The following PLEKHA6 variants were observed in gnomAD, a reference collection of about 807,000 sequenced individuals.
PLEKHA6 encodes pleckstrin homology domain containing A6.
In PLEKHA6, 60 loss-of-function variants were observed where a neutral mutation model predicts 116.7. That is an observed-to-expected ratio of 0.51 (90% CI 0.42 to 0.64). PLEKHA6 has a LOEUF of 0.64. PLEKHA6 is among the 30% of genes least tolerant of loss of function. The pLI, the probability that PLEKHA6 is intolerant of heterozygous loss-of-function variation, is 0.00. For synonymous variants in PLEKHA6, 489 were observed against 556.1 expected, an observed-to-expected ratio of 0.88 and a Z score of 1.70; for missense variants, 1,338 against 1,422.7, an observed-to-expected ratio of 0.94 and a Z score of 0.96.
At chr1:204,283,594 A>G (rs1425135505) in intron 1 of PLEKHA6, among the ~76,000 whole-genome samples, 1 of 152,152 alleles carries the variant, frequency 6.6e-6, no homozygotes, top group African/African-American at 2.4e-5. Context: ...GAAAAATTTG[A>G]GTCTTGGGCT....
chr1:204,311,764 T>C, intron 1 of PLEKHA6: 1 of 637,878 alleles, frequency 1.6e-6, no homozygotes, highest in Non-Finnish European at 2.0e-6. Flanking sequence ...GCCCTAAGAT[T>C]ACACTCTAAA....
chr1:204,279,575 T>C (rs994160959), intron 1 of PLEKHA6, among the ~76,000 whole-genome samples: 2 of 152,330 alleles, frequency 1.3e-5, no homozygotes, highest in East Asian at 3.9e-4. Context: ...CATACCCAAA[T>C]GGACCTTTCA....
At chr1:204,321,415 C>A (rs924974888) in intron 1 of PLEKHA6, among the ~76,000 whole-genome samples, 1 of 151,818 alleles carries the variant, frequency 6.6e-6, no homozygotes, top group African/African-American at 2.4e-5. Context: ...TTTTCACAGG[C>A]TGGCCCACCT....
At chr1:204,310,080 G>A (rs569645167) in intron 1 of PLEKHA6, among the ~76,000 whole-genome samples, 3 of 151,838 alleles carry the variant, frequency 2.0e-5, no homozygotes, top group South Asian at 2.1e-4. Flanking sequence ...TAAGGGTCAC[G>A]CAAAATTAGG....
intron 17 of PLEKHA6, among the ~76,000 whole-genome samples, chr1:204,231,905 T>A (rs1428064393): frequency 6.6e-6 from 1 of 152,150 alleles, no homozygotes; most frequent in Non-Finnish European, 1.5e-5. Context: ...TGTTGTTTTG[T>A]TTTTTAGTAT....
At position 204,247,357 on chromosome 1, in the gene PLEKHA6, T is replaced by A. The variant is rs376982477; in HGVS notation, c.1920+8A>T. The A allele has an allele frequency of 5.0e-6, 8 of 1,589,628 alleles. No individual in the cohort carries two copies. Among genetic ancestry groups the A allele is most frequent in the African/African-American group, 1.3e-5 (1 of 74,382 alleles). ...CCAATCCCCGCCAGCTCAGGGGCCC[T>A]TCTTCACCTGGGTGTCCAAATTGAG... On this transcript the variant is annotated splice_region_variant and intron_variant, in intron 13 of 22. Transcript: ENST00000272203.
rs765006204 is a variant in PLEKHA6, at chr1:204,228,063, C to T, written c.3031+20G>A. 26 of 1,607,700 alleles carry T rather than the reference C, an allele frequency of 1.6e-5. No homozygotes were observed. The highest frequency in any genetic ancestry group is 2.0e-5 in the Non-Finnish European group (24 of 1,177,310). On this transcript the variant is annotated intron_variant, in intron 21 of 22. Coordinates refer to ENST00000272203, the MANE Select transcript of PLEKHA6 (RefSeq NM_014935.5). The surrounding 1 kb of genome is among the most constrained non-coding windows in gnomAD (Gnocchi z 4.0). ...AGCTGGTTTCCCTGGCAGGGTGGAG[C>T]GAGGCCCAGCCCCTCTCACCAGACA...
At chr1:204,272,684 CT>C in intron 3 of PLEKHA6, among the ~76,000 whole-genome samples, 1 of 152,330 alleles carries the variant, frequency 6.6e-6, no homozygotes, top group East Asian at 1.9e-4. Context: ...ATTAGTCTTC[CT>C]GTCCATGATT....
intron 1 of PLEKHA6, chr1:204,317,176 A>C (rs1671891984): frequency 1.2e-6 from 1 of 852,612 alleles, no homozygotes; most frequent in Admixed American, 6.2e-5. Flanking sequence ...TCAGAAAGTT[A>C]AACCAAAGAG....
intron 15 of PLEKHA6, 131 bp from the exon 16 acceptor site, chr1:204,241,945 T>C (rs1662885269): frequency 6.0e-6 from 6 of 1,007,052 alleles, no homozygotes; most frequent in Non-Finnish European, 9.2e-6. Context: ...GGAAATTCTA[T>C]GTGTGCCGCC....
chr1:204,298,538 C>T (rs1670511627), intron 1 of PLEKHA6, among the ~76,000 whole-genome samples: 1 of 152,170 alleles, frequency 6.6e-6, no homozygotes. Flanking sequence ...AGTCAGACTA[C>T]CCTGCTCCTT....
At chr1:204,320,120 T>A (rs1425360114) in intron 1 of PLEKHA6, among the ~76,000 whole-genome samples, 3 of 152,176 alleles carry the variant, frequency 2.0e-5, no homozygotes, top group African/African-American at 7.2e-5. Flanking sequence ...ATTCTCTCCT[T>A]TCCCACCATA....
Position 204,241,370 on chromosome 1 carries a change from C to A in PLEKHA6, c.2409+5G>T. 1.9e-6 allele frequency: 3 copies of A among 1,585,762 alleles called. No individual in the cohort carries two copies. The highest frequency in any genetic ancestry group is 1.7e-6 in the Non-Finnish European group (2 of 1,156,652). On this transcript the variant is annotated splice_donor_5th_base_variant and intron_variant, in intron 17 of 22. Transcript: ENST00000272203. The stretch of plus-strand genomic sequence containing the variant: ...AGGCCTGCATGAGCTTGCAGAGGTA[C>A]CCACCTGGGAGGAGAGTCCATTGGT...
At chr1:204,325,795 C>T (rs1672221221) in intron 1 of PLEKHA6, 3 of 497,754 alleles carry the variant, frequency 6.0e-6, no homozygotes, top group Non-Finnish European at 7.8e-6. Flanking sequence ...CAAGACTCTA[C>T]TCTGCCTGTC....
chr1:204,366,160 A>G (rs1299415086), intron 3 of PLEKHA6, among the ~76,000 whole-genome samples: 1 of 152,232 alleles, frequency 6.6e-6, no homozygotes, highest in Admixed American at 6.5e-5. Context: ...GAAAGTGTTT[A>G]GTGAACAATC....
At chr1:204,245,356 T>A (rs1007942462) in intron 14 of PLEKHA6, among the ~76,000 whole-genome samples, 1 of 152,018 alleles carries the variant, frequency 6.6e-6, no homozygotes, top group African/African-American at 2.4e-5. Flanking sequence ...GAGGCTTAGG[T>A]GCTTTTGACC....
At chr1:204,367,060 G>A (rs748510628) in intron 3 of PLEKHA6, among the ~76,000 whole-genome samples, 23 of 152,338 alleles carry the variant, frequency 1.5e-4, no homozygotes, top group Non-Finnish European at 7.4e-5. Context: ...GCCTGGGCAC[G>A]CTGAGCCTCA....
chr1:204,363,384 T>A (rs1312589669), upstream of PLEKHA6, among the ~76,000 whole-genome samples: 1 of 152,198 alleles, frequency 6.6e-6, no homozygotes, highest in East Asian at 1.9e-4. Context: ...TTCTCGCACC[T>A]TCCTGGAGGA....
intron 1 of PLEKHA6, among the ~76,000 whole-genome samples, chr1:204,335,103 T>C (rs185324400): frequency 0.012 from 1,817 of 152,184 alleles, 26 homozygotes; most frequent in African/African-American, 0.041. Flanking sequence ...ACTAAAGGAC[T>C]TGATCTGGAT....
Sources: allele counts gnomAD v4.1 joint callset (sites outside exome capture counted in the v4.1 genomes callset), GRCh38; gene constraint gnomAD v4.1.1; non-coding constraint Gnocchi (gnomAD v3.1); transcripts MANE v1.5; gene names NCBI Gene and HGNC (gene_info 2026-07-23, HGNC 2026-07-21).